Variants in SUGCT observed in about 807,000 individuals in gnomAD.
SUGCT encodes succinyl-CoA:glutarate-CoA transferase, also known as succinyl-CoA:glutarate CoA-transferase.
Under a neutral mutation model 55.0 loss-of-function variants are expected in SUGCT, and 41 were observed. That is an observed-to-expected ratio of 0.74 (90% CI 0.58 to 0.97). SUGCT has a LOEUF of 0.97. Among genes scored for constraint, SUGCT ranks in the 50% least tolerant of loss-of-function variants. The probability of loss-of-function intolerance (pLI) is 0.00; values close to 1 mark genes in which losing one functional copy is unlikely to be tolerated. For missense variants in SUGCT, 568 were observed against 547.8 expected, an observed-to-expected ratio of 1.04 and a Z score of -0.37; for synonymous variants, 187 against 200.4, an observed-to-expected ratio of 0.93 and a Z score of 0.56.
chr7:40,315,289 A>G (rs1584658363), intron 8 of SUGCT, among the ~76,000 whole-genome samples: 1 of 152,224 alleles, frequency 6.6e-6, no homozygotes, highest in Admixed American at 6.5e-5. Context: ...TATCCAGGGC[A>G]TTTTTGCTAC....
At chr7:40,822,322 T>G (rs1336719394) in intron 13 of SUGCT, among the ~76,000 whole-genome samples, 1 of 152,190 alleles carries the variant, frequency 6.6e-6, no homozygotes, top group Non-Finnish European at 1.5e-5. Context: ...ATATCCTTGT[T>G]AACTTTCTGT....
intron 12 of SUGCT, among the ~76,000 whole-genome samples, chr7:40,597,738 C>A (rs563024034): frequency 6.6e-6 from 1 of 152,200 alleles, no homozygotes; most frequent in East Asian, 1.9e-4. Context: ...GCCTGGGTTC[C>A]TCAATGATTG....
chr7:40,522,655 A>C, intron 12 of SUGCT, among the ~76,000 whole-genome samples: 1 of 152,126 alleles, frequency 6.6e-6, no homozygotes, highest in Non-Finnish European at 1.5e-5. Context: ...AAAACATCTC[A>C]TAAATATTTT....
At chr7:40,628,888 GCAC>G (rs1311595094) in intron 12 of SUGCT, among the ~76,000 whole-genome samples, 1 of 152,052 alleles carries the variant, frequency 6.6e-6, no homozygotes, top group Non-Finnish European at 1.5e-5. Flanking sequence ...CTACAGGCGT[GCAC>G]CACCACACCC....
At chr7:40,987,976 A>G in the SUGCT span, among the ~76,000 whole-genome samples, 1 of 151,888 alleles carries the variant, frequency 6.6e-6, no homozygotes, top group Non-Finnish European at 1.5e-5. Context: ...CTCTCCCTCA[A>G]AGGGAAAGGG....
At chr7:40,956,154 G>C in the SUGCT span, among the ~76,000 whole-genome samples, 1 of 152,210 alleles carries the variant, frequency 6.6e-6, no homozygotes, top group African/African-American at 2.4e-5. Flanking sequence ...AAAAGAGTTA[G>C]GGAGGAGTTC....
chr7:40,918,083 A>G, the SUGCT span, among the ~76,000 whole-genome samples: 1 of 152,144 alleles, frequency 6.6e-6, no homozygotes. Flanking sequence ...TTTCCTAGCC[A>G]TGAGCCTAGA....
intron 12 of SUGCT, among the ~76,000 whole-genome samples, chr7:40,686,705 G>A (rs6977963): frequency 0.17 from 26,399 of 152,096 alleles, 2,673 homozygotes; most frequent in Non-Finnish European, 0.24. Flanking sequence ...TCTGCCTGTG[G>A]GGTTTAAACC....
chr7:40,847,750 C>T (rs1422514143), intron 13 of SUGCT, among the ~76,000 whole-genome samples: 1 of 152,060 alleles, frequency 6.6e-6, no homozygotes, highest in East Asian at 1.9e-4. Context: ...TGGGCTCACA[C>T]AGTTTTACCC....
intron 9 of SUGCT, among the ~76,000 whole-genome samples, chr7:40,359,712 C>T (rs1798057074): frequency 6.6e-6 from 1 of 152,128 alleles, no homozygotes; most frequent in Non-Finnish European, 1.5e-5. Flanking sequence ...ACCTTCATTT[C>T]TTCCCCTGAG....
At chr7:40,321,916 A>G (rs1270164425) in intron 9 of SUGCT, among the ~76,000 whole-genome samples, 1 of 152,012 alleles carries the variant, frequency 6.6e-6, no homozygotes. Context: ...TCTTTTTGAG[A>G]TCTTGATTTT....
intron 8 of SUGCT, among the ~76,000 whole-genome samples, chr7:40,312,374 C>G (rs1795206514): frequency 6.6e-6 from 1 of 152,088 alleles, no homozygotes; most frequent in Non-Finnish European, 1.5e-5. Context: ...TTTTTGTATC[C>G]ATCTGGATAT....
the SUGCT span, among the ~76,000 whole-genome samples, chr7:41,032,561 A>C: frequency 6.6e-6 from 1 of 152,216 alleles, no homozygotes; most frequent in Non-Finnish European, 1.5e-5. Context: ...CAGACCAGAA[A>C]GACGGAAAGA....
At chr7:40,354,458 G>A (rs1797792912) in intron 9 of SUGCT, among the ~76,000 whole-genome samples, 1 of 152,194 alleles carries the variant, frequency 6.6e-6, no homozygotes, top group South Asian at 2.1e-4. Flanking sequence ...GGTCATGGAA[G>A]GACCTACCTG....
At chr7:40,790,021 G>T (rs183914879) in intron 13 of SUGCT, among the ~76,000 whole-genome samples, 217 of 152,320 alleles carry the variant, frequency 1.4e-3, no homozygotes, top group African/African-American at 5.0e-3. Context: ...ATTTGAGGAA[G>T]ATAAGAATGT....
At chr7:40,449,134 A>G (rs1002720161) in intron 9 of SUGCT, among the ~76,000 whole-genome samples, 153 bp from the exon 10 acceptor site, 14 of 152,130 alleles carry the variant, frequency 9.2e-5, no homozygotes, top group African/African-American at 3.4e-4. Context: ...GAAGATATAT[A>G]TGTATACATA....
At chr7:40,214,712 G>A (rs1787525071) in intron 6 of SUGCT, among the ~76,000 whole-genome samples, 1 of 152,008 alleles carries the variant, frequency 6.6e-6, no homozygotes, top group African/African-American at 2.4e-5. Context: ...TCAGGAGTTC[G>A]AGACCAGCCT....
At chr7:40,355,017 C>T (rs1797823078) in intron 9 of SUGCT, among the ~76,000 whole-genome samples, 1 of 152,132 alleles carries the variant, frequency 6.6e-6, no homozygotes, top group Admixed American at 6.5e-5. Context: ...AATCGTACCT[C>T]AGTCATTAGT....
intron 8 of SUGCT, among the ~76,000 whole-genome samples, chr7:40,296,327 C>T (rs1252437084): frequency 1.3e-5 from 2 of 152,192 alleles, no homozygotes; most frequent in African/African-American, 2.4e-5. Context: ...ACACGTGCTT[C>T]ACCTACTTTA....
Sources: gnomAD v4.1 joint callset for allele counts (sites outside exome capture counted in the v4.1 genomes callset) on GRCh38, gnomAD v4.1.1 for gene constraint, MANE v1.5 for transcripts, NCBI Gene and HGNC (gene_info 2026-07-23, HGNC 2026-07-21) for gene names.